The following F13B variants were observed in gnomAD, a reference collection of about 807,000 sequenced individuals.
The protein encoded by F13B is TGase.
A neutral mutation model predicts 79.8 loss-of-function variants in F13B; 58 were observed. The observed-to-expected ratio is 0.73, with a 90% CI of 0.59 to 0.90. F13B has a LOEUF of 0.90. Ranked by LOEUF, F13B falls within the 40% of genes least tolerant of loss-of-function variation. F13B has a pLI of 0.00. For missense variants in F13B, 773 were observed against 777.0 expected (o/e 0.99, Z 0.06); for synonymous variants, 283 against 260.3 (o/e 1.09, Z -0.84).
At chr1:197,040,141 T>C (rs1340228891) in intron 11 of F13B, 4 of 168,028 alleles carry the variant, frequency 2.4e-5, no homozygotes, top group African/African-American at 9.6e-5. Flanking sequence ...AAATACCACA[T>C]TTTCCAACCT....
At chr1:197,043,170 C>A (rs916023075) in intron 10 of F13B, among the ~76,000 whole-genome samples, 1 of 152,030 alleles carries the variant, frequency 6.6e-6, no homozygotes, top group Non-Finnish European at 1.5e-5. Flanking sequence ...GGCAGTCTCC[C>A]AGTAATATCA....
intron 8 of F13B, among the ~76,000 whole-genome samples, chr1:197,054,503 C>A (rs1655562902): frequency 6.6e-6 from 1 of 151,626 alleles, no homozygotes; most frequent in East Asian, 1.9e-4. Context: ...AAAACATACA[C>A]TTATATATAC....
At position 197,039,371 on chromosome 1, in the gene F13B, T is replaced by C. The variant is rs878873513; in HGVS notation, c.*7A>G. 1.2e-6 allele frequency: 2 copies of C among 1,607,758 alleles called. No homozygotes were observed. Among genetic ancestry groups the C allele is most frequent in the South Asian group, 2.2e-5 (2 of 90,504 alleles). ...TGAAATATGACTCCTCTTTCTGCCA[T>C]TCATTTCTATGTTCTTAAGGGTTCT... is the stretch of plus-strand genomic sequence containing the variant. On this transcript the variant is annotated 3_prime_UTR_variant, in exon 12 of 12. Coordinates refer to ENST00000367412, the MANE Select transcript of F13B (RefSeq NM_001994.3).
chr1:197,048,614 T>C (rs1655327901), intron 10 of F13B, among the ~76,000 whole-genome samples: 1 of 152,002 alleles, frequency 6.6e-6, no homozygotes, highest in South Asian at 2.1e-4. Context: ...CCTAATGAAA[T>C]AGTATCAAAA....
Position 197,057,310 on chromosome 1 carries a change from A to C in F13B, c.961T>G (p.Trp321Gly). 6.2e-7 allele frequency: 1 copy of C among 1,613,938 alleles called. No individual in the cohort carries two copies. Among genetic ancestry groups the C allele is most frequent in the Non-Finnish European group, 8.5e-7 (1 of 1,179,920 alleles). ...CCAATGCATTTTGGAGGTTCTGTCC[A>C]TTTTCCATCTTCACAACGTATTTCT... is the stretch of plus-strand genomic sequence containing the variant. ...SAEIRCEDGK[W>G]TEPPKCIEGQ... The change falls in exon 6 of 12, where the codon TGG becomes GGG. Residue 321 changes from tryptophan (W) to glycine (G), a missense_variant. Trp to Gly is a radical substitution (Grantham distance 184). Transcript: ENST00000367412.
Position 197,064,894 on chromosome 1 carries a change from C to T in F13B, c.65-1837G>A, listed in dbSNP as rs189193961. ...AGGCCTAGATCCAGTGTGATTACTACGGCTTCAATGCCTTGGTTGATCACT... is the reference window on the plus strand; with the variant it reads ...AGGCCTAGATCCAGTGTGATTACTATGGCTTCAATGCCTTGGTTGATCACT... On this transcript the variant is annotated intron_variant, in intron 1 of 11. Coordinates refer to ENST00000367412, the MANE Select transcript of F13B (RefSeq NM_001994.3). Among the ~76,000 whole-genome samples, 16 of 152,226 alleles carry T rather than the reference C, an allele frequency of 1.1e-4. 1 individual carries two copies. In the East Asian group the frequency reaches 2.1e-3, roughly 20 times the overall value.
chr1:197,052,933 T>C (rs1377822682), intron 8 of F13B, 99 bp from the exon 9 acceptor site: 1 of 864,154 alleles, frequency 1.2e-6, no homozygotes, highest in Non-Finnish European at 1.8e-6. Context: ...AAAAGCAATA[T>C]TTTATAATTG....
chr1:197,040,774 G>A, intron 10 of F13B, 39 bp from the exon 11 acceptor site: 1 of 1,502,490 alleles, frequency 6.7e-7, no homozygotes, highest in South Asian at 1.2e-5. Flanking sequence ...AGAAAAAGAA[G>A]AAAACTATCT....
intron 5 of F13B, among the ~76,000 whole-genome samples, chr1:197,059,146 G>A (rs973341715): frequency 1.5e-4 from 23 of 152,108 alleles, no homozygotes; most frequent in African/African-American, 5.3e-4. Flanking sequence ...AACCTGGGAG[G>A]TGGAGGTTGC....
At chr1:197,040,401 T>A in intron 11 of F13B, 121 bp downstream of exon 11, 1 of 685,024 alleles carries the variant, frequency 1.5e-6, no homozygotes, top group South Asian at 1.9e-5. Flanking sequence ...GAAGAAAATA[T>A]TATTATTTTT....
intron 5 of F13B, among the ~76,000 whole-genome samples, chr1:197,060,033 C>T (rs1655795502): frequency 1.3e-5 from 2 of 151,934 alleles, no homozygotes; most frequent in Non-Finnish European, 1.5e-5. Context: ...AGAAAATATC[C>T]TTGCAAAGCT....
chr1:197,061,762 T>G lies in F13B; in HGVS notation c.451+22A>C, dbSNP rs201858151. The G allele has an allele frequency of 8.4e-5, 135 of 1,603,766 alleles. No individual in the cohort carries two copies. In the Middle Eastern group the frequency reaches 1.0e-3, roughly 12 times the overall value. ...AAGCTTGATAAGCACTTATCTTCAG[T>G]TTTAGGAAATGATTCTTATACCATG... is the stretch of plus-strand genomic sequence containing the variant. On this transcript the variant is annotated intron_variant, in intron 3 of 11. Coordinates refer to ENST00000367412, the MANE Select transcript of F13B (RefSeq NM_001994.3).
chr1:197,041,917 T>TA (rs1655050950), intron 10 of F13B, among the ~76,000 whole-genome samples: 1 of 152,186 alleles, frequency 6.6e-6, no homozygotes, highest in Admixed American at 6.6e-5. Context: ...TTTTCCTTTC[T>TA]TTTTAAGTTA....
intron 10 of F13B, 92 bp from the exon 11 acceptor site, chr1:197,040,827 C>A: frequency 1.0e-6 from 1 of 980,902 alleles, no homozygotes; most frequent in East Asian, 2.6e-5. Context: ...GTTGCCTACT[C>A]ATGAGGACCT....
chr1:197,056,508 A>G (rs1655645993), intron 7 of F13B, among the ~76,000 whole-genome samples: 1 of 152,142 alleles, frequency 6.6e-6, no homozygotes, highest in Non-Finnish European at 1.5e-5. Context: ...GTAAAATGAA[A>G]GACCAGGGAC....
At chr1:197,051,376 C>T (rs1655432362) in intron 9 of F13B, among the ~76,000 whole-genome samples, 1 of 151,974 alleles carries the variant, frequency 6.6e-6, no homozygotes, top group Non-Finnish European at 1.5e-5. Context: ...TTATTTCTCC[C>T]TAAGTGTATA....
chr1:197,047,107 C>A (rs1215291440), intron 10 of F13B, among the ~76,000 whole-genome samples: 1 of 152,128 alleles, frequency 6.6e-6, no homozygotes. Context: ...TTGGCAAGTA[C>A]TTCATGACTA....
intron 10 of F13B, among the ~76,000 whole-genome samples, chr1:197,050,109 A>G (rs1655390519): frequency 6.6e-6 from 1 of 152,160 alleles, no homozygotes; most frequent in South Asian, 2.1e-4. Context: ...AAGCAAATAA[A>G]GATATCCACT....
intron 10 of F13B, among the ~76,000 whole-genome samples, chr1:197,049,959 A>C (rs535934653): frequency 6.6e-6 from 1 of 152,282 alleles, no homozygotes; most frequent in East Asian, 1.9e-4. Flanking sequence ...GCTAAAAATT[A>C]AACACAGATT....
Sources: gnomAD v4.1 joint callset for allele counts (sites outside exome capture counted in the v4.1 genomes callset) on GRCh38, gnomAD v4.1.1 for gene constraint, MANE v1.5 for transcripts, NCBI Gene and HGNC (gene_info 2026-07-23, HGNC 2026-07-21) for gene names.